The following SLIT1 variants were observed in gnomAD, a reference collection of about 807,000 sequenced individuals.
SLIT1 encodes slit homolog 1 protein.
SLIT1 carries 66 observed loss-of-function variants against 186.1 expected under a neutral mutation model. The observed-to-expected ratio is 0.35, with a 90% CI of 0.29 to 0.44. SLIT1 has a LOEUF of 0.44. Ranked by LOEUF, SLIT1 falls within the 20% of genes least tolerant of loss-of-function variation. The pLI is 1.00. For missense variants in SLIT1, 1,638 were observed against 2,037.4 expected (o/e 0.80, Z 3.77); for synonymous variants, 761 against 833.8 (o/e 0.91, Z 1.50).
rs1848299481 is a variant in SLIT1, at chr10:97,000,794, G to C, written c.*318C>G. On this transcript the variant is annotated 3_prime_UTR_variant, in exon 37 of 37. Coordinates refer to ENST00000266058, the MANE Select transcript of SLIT1 (RefSeq NM_003061.3). ...CCAGATTCAGATAGCAGGTAAGGAG[G>C]GGTGTCATCGTTCTGCACTTCTTGG... The C allele has an allele frequency of 6.5e-6, 2 of 307,958 alleles. No individual in the cohort carries two copies. The highest frequency in any genetic ancestry group is 4.3e-5 in the African/African-American group (2 of 46,582). The allele number at this position is 307,958 out of a possible 1,614,324, so 19.1% of individuals were successfully genotyped here.
intron 4 of SLIT1, among the ~76,000 whole-genome samples, chr10:97,067,372 G>A (rs1286688264): frequency 3.3e-5 from 5 of 152,138 alleles, no homozygotes; most frequent in Non-Finnish European, 4.4e-5. Context: ...ATCCACAGAC[G>A]TGTGCAAACG....
chr10:97,050,612 G>A (rs1848778284), intron 13 of SLIT1, among the ~76,000 whole-genome samples: 1 of 152,220 alleles, frequency 6.6e-6, no homozygotes, highest in Non-Finnish European at 1.5e-5. Context: ...TGGGGGCAGA[G>A]TTTGTAGCTA....
intron 4 of SLIT1, among the ~76,000 whole-genome samples, chr10:97,142,423 A>C (rs1849775718): frequency 6.6e-6 from 1 of 152,230 alleles, no homozygotes; most frequent in African/African-American, 2.4e-5. Flanking sequence ...ATCCCCATGC[A>C]AAAGAATGAA....
At chr10:97,058,140 G>C (rs41284254) in intron 11 of SLIT1, 1 of 694,076 alleles carries the variant, frequency 1.4e-6, no homozygotes, top group Non-Finnish European at 2.7e-6. Flanking sequence ...CAGTAACTTG[G>C]TCTTTACCCA....
intron 4 of SLIT1, among the ~76,000 whole-genome samples, chr10:97,095,245 T>C (rs955025621): frequency 4.6e-5 from 7 of 152,172 alleles, no homozygotes; most frequent in Non-Finnish European, 8.8e-5. Context: ...ATTGCTCCAG[T>C]GCACTCCAGC....
chr10:97,101,606 C>A (rs1371421521), intron 4 of SLIT1, among the ~76,000 whole-genome samples: 7 of 152,240 alleles, frequency 4.6e-5, no homozygotes, highest in Non-Finnish European at 1.0e-4. Context: ...TGTCACAGAG[C>A]CATTGCAGTC....
chr10:97,117,841 C>T (rs1033119746), intron 4 of SLIT1, among the ~76,000 whole-genome samples: 3 of 152,150 alleles, frequency 2.0e-5, no homozygotes, highest in South Asian at 2.1e-4. Flanking sequence ...AAGTCACTGC[C>T]GGCTCTTATA....
rs1473580887 is a variant in SLIT1, at chr10:97,126,818, G to T, written c.413+31000C>A. Among the ~76,000 whole-genome samples the T allele has an allele frequency of 2.0e-5, 3 of 152,214 alleles. No individual in the cohort carries two copies. The South Asian group carries it at 6.2e-4, about 32-fold the overall frequency. On this transcript the variant is annotated intron_variant, in intron 4 of 36. Transcript: ENST00000266058. ...GGAAGCCCCTCAGTCCCATGTATGG[G>T]TGTGACTTGCTCAAGACTCACAGCA...
rs1848431274 is a variant in SLIT1 at position 97,013,816 on chromosome 10, A to G, written c.3128T>C (p.Leu1043Pro). 10 of 1,551,552 alleles carry G rather than the reference A, an allele frequency of 6.4e-6. No homozygotes were observed. Among genetic ancestry groups the G allele is most frequent in the Non-Finnish European group, 8.7e-6 (10 of 1,147,000 alleles). Residue 1043 changes from leucine (L) to proline (P), a missense_variant, in exon 30 of 37, where the codon CTG becomes CCG. Coordinates refer to ENST00000266058, the MANE Select transcript of SLIT1 (RefSeq NM_003061.3). Reference protein sequence around the residue: ...LQYEGKACEQLVDLCSPDLNP... With the variant: ...LQYEGKACEQPVDLCSPDLNP... ...CAGATCCGGAGAGCACAAGTCCACCAGCTGCTCACAGGCCTTTCCTGGGGA... is the reference window on the plus strand; with the variant it reads ...CAGATCCGGAGAGCACAAGTCCACCGGCTGCTCACAGGCCTTTCCTGGGGA...
At chr10:97,135,408 A>T (rs1051599221) in intron 4 of SLIT1, among the ~76,000 whole-genome samples, 1 of 152,214 alleles carries the variant, frequency 6.6e-6, no homozygotes, top group Non-Finnish European at 1.5e-5. Context: ...AGGCCCCTTC[A>T]AGAGAACACA....
chr10:97,030,843 G>T lies in SLIT1; in HGVS notation c.2511-15C>A, dbSNP rs1350719736. 6.2e-7 allele frequency: 1 copy of T among 1,611,910 alleles called. No homozygotes were observed. Among genetic ancestry groups the T allele is most frequent in the East Asian group, 2.2e-5 (1 of 44,856 alleles). On this transcript the variant is annotated splice_polypyrimidine_tract_variant and intron_variant, in intron 24 of 36. Coordinates refer to ENST00000266058, the MANE Select transcript of SLIT1 (RefSeq NM_003061.3). ...CGTGGAGAGACCTGAGAAGGGAAGA[G>T]GCTGCTGGTGCCTTATCCAGGGACA...
intron 1 of SLIT1, among the ~76,000 whole-genome samples, chr10:97,176,070 C>T (rs1000874151): frequency 6.6e-6 from 1 of 152,138 alleles, no homozygotes; most frequent in Admixed American, 6.6e-5. Flanking sequence ...GACTATAGAG[C>T]AGAAGTCAAA....
chr10:97,055,970 T>C (rs1848832502), intron 13 of SLIT1, among the ~76,000 whole-genome samples: 1 of 152,210 alleles, frequency 6.6e-6, no homozygotes, highest in South Asian at 2.1e-4. Context: ...ATCATCACCA[T>C]CAATATTATT....
intron 23 of SLIT1, among the ~76,000 whole-genome samples, chr10:97,032,099 G>T (rs1261482329): frequency 6.6e-6 from 1 of 152,238 alleles, no homozygotes; most frequent in Non-Finnish European, 1.5e-5. Flanking sequence ...ACACCTGACT[G>T]CGGGGAGCTC....
chr10:97,005,144 C>G lies in SLIT1; in HGVS notation c.3580-321G>C, dbSNP rs115667250. 4.3e-3 allele frequency among the ~76,000 whole-genome samples: 658 copies of G among 152,330 alleles called. 3 individuals carry two copies. The highest frequency in any genetic ancestry group is 0.015 in the African/African-American group (643 of 41,578). ...AATCTTCCCAGAGAGGAAAATTAGACTGGGACCCCTGTCTGCTGGGTGTGG... is the reference window on the plus strand; with the variant it reads ...AATCTTCCCAGAGAGGAAAATTAGAGTGGGACCCCTGTCTGCTGGGTGTGG... On this transcript the variant is annotated intron_variant, in intron 32 of 36. Transcript: ENST00000266058.
intron 4 of SLIT1, among the ~76,000 whole-genome samples, chr10:97,140,278 CCTAA>C (rs1849744633): frequency 1.3e-5 from 2 of 152,142 alleles, no homozygotes; most frequent in Admixed American, 6.5e-5. Flanking sequence ...TGTGTTTTCC[CCTAA>C]CTGTCACCAG....
In SLIT1 at chr10:97,128,785, C is replaced by G. The variant is rs1421424174; in HGVS notation, c.413+29033G>C. ...TTGCTGTGATGAATTCCGGCCTCCACCAGATCCTGCCGGAGGGAGAAAAGA... is the reference window on the plus strand; with the variant it reads ...TTGCTGTGATGAATTCCGGCCTCCAGCAGATCCTGCCGGAGGGAGAAAAGA... On this transcript the variant is annotated intron_variant, in intron 4 of 36. Coordinates refer to ENST00000266058, the MANE Select transcript of SLIT1 (RefSeq NM_003061.3). Among the ~76,000 whole-genome samples the G allele has an allele frequency of 3.9e-5, 6 of 152,198 alleles. No individual in the cohort carries two copies. In the East Asian group the frequency reaches 9.7e-4, roughly 25 times the overall value.
chr10:97,046,364 G>C (rs1172653489), intron 18 of SLIT1, among the ~76,000 whole-genome samples: 1 of 152,192 alleles, frequency 6.6e-6, no homozygotes, highest in African/African-American at 2.4e-5. Context: ...CTGTGCTCTT[G>C]CAGCCTGACC....
chr10:97,109,937 C>T (rs1172039161), intron 4 of SLIT1, among the ~76,000 whole-genome samples: 1 of 152,182 alleles, frequency 6.6e-6, no homozygotes, highest in Non-Finnish European at 1.5e-5. Flanking sequence ...CTGTATTCAG[C>T]TCAGTTTACT....
Sources: allele counts gnomAD v4.1 joint callset (sites outside exome capture counted in the v4.1 genomes callset), GRCh38; gene constraint gnomAD v4.1.1; transcripts MANE v1.5; gene names NCBI Gene and HGNC (gene_info 2026-07-23, HGNC 2026-07-21).